The following SGSM2 variants were observed in gnomAD, a reference collection of about 807,000 sequenced individuals.
SGSM2 encodes the protein small G protein signaling modulator 2, also known as RUN and TBC1 domain containing 1.
Under a neutral mutation model 126.6 loss-of-function variants are expected in SGSM2, and 89 were observed. That is an observed-to-expected ratio of 0.70 (90% CI 0.59 to 0.84). SGSM2 has a LOEUF of 0.84. SGSM2 is among the 40% of genes least tolerant of loss of function. The probability of loss-of-function intolerance (pLI) is 0.00; values close to 1 mark genes in which losing one functional copy is unlikely to be tolerated. For missense variants in SGSM2, 1,404 were observed against 1,416.6 expected (o/e 0.99, Z 0.14); for synonymous variants, 614 against 574.3 (o/e 1.07, Z -0.99).
chr17:2,377,946 T>G lies in SGSM2; in HGVS notation c.2892T>G (p.Phe964Leu). The change falls in exon 22 of 24, where the codon TTT (phenylalanine) becomes TTG (leucine). Residue 964 changes from phenylalanine to leucine, a missense_variant. Coordinates refer to ENST00000268989, the MANE Select transcript of SGSM2 (RefSeq NM_014853.3). ...YFCYRWFLLD[F>L]KRELLYEDVF... ...GTTATCGCTGGTTCCTGCTGGATTT[T>G]AAGAGAGGTAAGAAGTGGGTTGGAT... 6.2e-7 allele frequency: 1 copy of G among 1,604,430 alleles called. No individual in the cohort carries two copies. Among genetic ancestry groups the G allele is most frequent in the Non-Finnish European group, 8.5e-7 (1 of 1,171,438 alleles).
chr17:2,380,188 CCCCGGCCTT>C lies in SGSM2; in HGVS notation c.*669_*677del. 6.6e-7 allele frequency: 1 copy of C among 1,508,702 alleles called. No individual in the cohort carries two copies. Among genetic ancestry groups the C allele is most frequent in the East Asian group, 2.6e-5 (1 of 39,110 alleles). The allele number at this position is 1,508,702 out of a possible 1,614,324, so 93.5% of individuals were successfully genotyped here. A position where few individuals can be genotyped will look rare whatever the true frequency, so the allele number is the denominator to read the frequency against. Reference sequence around the variant, plus strand: ...GCCACCTGAGGTGACCCCCAGGCCTCCCCGGCCTTGTACAGTGTACCTCTGTGTATCTGT... The same window carrying C: ...GCCACCTGAGGTGACCCCCAGGCCTCGTACAGTGTACCTCTGTGTATCTGT... On this transcript the variant is annotated 3_prime_UTR_variant, in exon 24 of 24. Transcript: ENST00000268989.
chr17:2,375,993 T>C (rs1457880425), intron 18 of SGSM2, 118 bp downstream of exon 18: 2 of 1,511,778 alleles, frequency 1.3e-6, no homozygotes, highest in African/African-American at 1.4e-5. Context: ...TGGAAGGGAG[T>C]TCTGAGCCCA....
rs1292944986 is a variant in SGSM2, at chr17:2,372,240, G to A, written c.1628G>A (p.Arg543Gln). 1.2e-5 allele frequency: 19 copies of A among 1,613,006 alleles called. No individual in the cohort carries two copies. Among genetic ancestry groups the A allele is most frequent in the African/African-American group, 6.7e-5 (5 of 74,894 alleles). The change falls in exon 14 of 24, where the codon CGG (arginine) becomes CAG (glutamine). Residue 543 changes from arginine to glutamine, a missense_variant. Arg to Gln is a conservative substitution (Grantham distance 43). Transcript: ENST00000268989. The surrounding 1 kb of genome is among the most constrained non-coding windows in gnomAD (Gnocchi z 6.0). ...CESMKRQIVS[R>Q]AFYGWLAHCR... ...AGTATGAAGAGGCAGATCGTGTCCC[G>A]GGCCTTCTACGGCTGTGAGTGTGGG...
In SGSM2 at chr17:2,337,740, A is replaced by C. The variant is rs764934449; in HGVS notation, c.52A>C (p.Lys18Gln). 6.5e-7 allele frequency: 1 copy of C among 1,538,940 alleles called. No homozygotes were observed. Residue 18 changes from lysine (K) to glutamine (Q), a missense_variant, in exon 1 of 24, where the codon AAG becomes CAG. Lys to Gln is a moderately conservative substitution (Grantham distance 53). Coordinates refer to ENST00000268989, the MANE Select transcript of SGSM2 (RefSeq NM_014853.3). The surrounding 1 kb of genome is among the most constrained non-coding windows in gnomAD (Gnocchi z 5.1). The stretch of plus-strand genomic sequence containing the variant: ...AGAGAAACTGCTGTGGAACGTGAAG[A>C]AGGAGGTAAAGTCGAGTCAAGAACC... ...VKEKLLWNVK[K>Q]EVKQIMEEAV...
intron 2 of SGSM2, among the ~76,000 whole-genome samples, chr17:2,343,949 C>T (rs1383524519): frequency 6.6e-6 from 1 of 152,186 alleles, no homozygotes; most frequent in East Asian, 1.9e-4. Context: ...TCTGGGGACC[C>T]CACTTTGAGA....
In SGSM2 at chr17:2,372,834, C is replaced by G; in HGVS notation, c.1789-119C>G. ...GTGGCCACCCCAAAGCAGGCCTTGC[C>G]TGGGCTTCAGCAGTCACTACAGGCC... On this transcript the variant is annotated intron_variant, in intron 15 of 23. Coordinates refer to ENST00000268989, the MANE Select transcript of SGSM2 (RefSeq NM_014853.3). The surrounding 1 kb of genome is among the most constrained non-coding windows in gnomAD (Gnocchi z 6.0). 1 of 1,385,414 alleles carries G rather than the reference C, an allele frequency of 7.2e-7. No individual in the cohort carries two copies. The highest frequency in any genetic ancestry group is 9.7e-7 in the Non-Finnish European group (1 of 1,036,154). The allele number at this position is 1,385,414 out of a possible 1,614,324, so 85.8% of individuals were successfully genotyped here.
At chr17:2,376,385 G>T in intron 19 of SGSM2, 124 bp downstream of exon 19, 7 of 1,300,778 alleles carry the variant, frequency 5.4e-6, no homozygotes, top group Non-Finnish European at 7.4e-6. Flanking sequence ...GGCTCCCCCT[G>T]CCTGGAACGC....
At chr17:2,360,743 A>G (rs1597350141) in intron 2 of SGSM2, among the ~76,000 whole-genome samples, 1 of 151,730 alleles carries the variant, frequency 6.6e-6, no homozygotes, top group Non-Finnish European at 1.5e-5. Context: ...TGAAAAAACC[A>G]CCTCCTTCTC....
At position 2,363,222 on chromosome 17, in the gene SGSM2, G is replaced by A; in HGVS notation, c.672+88G>A. On this transcript the variant is annotated intron_variant, in intron 6 of 23. Transcript: ENST00000268989. This position sits in a 1 kb window ranked among gnomAD's most constrained non-coding sequence, Gnocchi z 4.2. ...GGAAACCGGCCTCTCTACGGGACAG[G>A]CCTTGGAGATGCCCCAAGGTAGCGG... The A allele has an allele frequency of 6.9e-7, 1 of 1,457,896 alleles. No individual in the cohort carries two copies. The highest frequency in any genetic ancestry group is 9.1e-7 in the Non-Finnish European group (1 of 1,098,254). The allele number at this position is 1,457,896 out of a possible 1,614,324, so 90.3% of individuals were successfully genotyped here.
At chr17:2,371,236 G>A in intron 12 of SGSM2, 26 bp from the exon 13 acceptor site, 1 of 1,602,570 alleles carries the variant, frequency 6.2e-7, no homozygotes, top group African/African-American at 1.3e-5. Context: ...CTCAGGCCCT[G>A]ACCATGCCAC....
rs2066368225 is a variant in SGSM2 at position 2,380,534 on chromosome 17, A to G, written c.*1014A>G. 1.7e-6 allele frequency: 1 copy of G among 584,548 alleles called. No individual in the cohort carries two copies. The highest frequency in any genetic ancestry group is 1.9e-5 in the African/African-American group (1 of 53,434). 36.2% of individuals were successfully genotyped at this position (584,548 alleles called of 1,614,324 possible). A position where few individuals can be genotyped will look rare whatever the true frequency, so the allele number is the denominator to read the frequency against. Reference sequence around the variant, plus strand: ...AAGCAAGGCTAGCTCTGCCTTCCACATGCTTCTCAGGATGCCAAGAGGCCT... The same window carrying G: ...AAGCAAGGCTAGCTCTGCCTTCCACGTGCTTCTCAGGATGCCAAGAGGCCT... On this transcript the variant is annotated 3_prime_UTR_variant, in exon 24 of 24. Transcript: ENST00000268989.
chr17:2,362,754 G>A lies in SGSM2; in HGVS notation c.459-84G>A. 1 of 1,360,370 alleles carries A rather than the reference G, an allele frequency of 7.4e-7. No homozygotes were observed. 84.3% of individuals were successfully genotyped at this position (1,360,370 alleles called of 1,614,324 possible). ...GATGACTGATCTGAATCTGGTCTTT[G>A]TGGGGATGTCCCTACCTGGTGAGCT... On this transcript the variant is annotated intron_variant, in intron 4 of 23. Transcript: ENST00000268989. This position sits in a 1 kb window ranked among gnomAD's most constrained non-coding sequence, Gnocchi z 4.9.
Position 2,376,241 on chromosome 17 carries a change from G to A in SGSM2, c.2589G>A (p.Arg863=). ...ACTTCACGCCCCCCAACCTCGAGAG[G>A]CTCAGAGACGTCATGTGCAGGTGCC... ...YWYFTPPNLE[R]LRDVMCSYVW... is the part of the protein sequence containing the mutation. The change falls in exon 19 of 24, where the codon AGG becomes AGA. Residue 863 remains arginine (R), a synonymous_variant. Coordinates refer to ENST00000268989, the MANE Select transcript of SGSM2 (RefSeq NM_014853.3). 6.2e-7 allele frequency: 1 copy of A among 1,613,828 alleles called. No individual in the cohort carries two copies. The highest frequency in any genetic ancestry group is 1.3e-5 in the African/African-American group (1 of 75,018).
Position 2,380,190 on chromosome 17 carries a change from C to A in SGSM2, c.*670C>A. 6.6e-7 allele frequency: 1 copy of A among 1,510,964 alleles called. No individual in the cohort carries two copies. Among genetic ancestry groups the A allele is most frequent in the South Asian group, 1.2e-5 (1 of 81,496 alleles). 93.6% of individuals were successfully genotyped at this position (1,510,964 alleles called of 1,614,324 possible). The stretch of plus-strand genomic sequence containing the variant: ...CACCTGAGGTGACCCCCAGGCCTCC[C>A]CGGCCTTGTACAGTGTACCTCTGTG... On this transcript the variant is annotated 3_prime_UTR_variant, in exon 24 of 24. Transcript: ENST00000268989.
rs1194343556 is a variant in SGSM2 at position 2,375,492 on chromosome 17, G to T, written c.2101G>T (p.Val701Leu). Residue 701 changes from valine to leucine, a missense_variant and splice_region_variant, in exon 18 of 24, where the codon GTG (valine) becomes TTG (leucine). Coordinates refer to ENST00000268989, the MANE Select transcript of SGSM2 (RefSeq NM_014853.3). Reference protein sequence around the residue: ...IHRDSTISNDVFISVDDLEPP... With the variant: ...IHRDSTISNDLFISVDDLEPP... Reference sequence around the variant, plus strand: ...GAGCCGCCCTGTGTTCACCCCCCAGGTGTTTATCTCAGTGGATGATCTGGA... The same window carrying T: ...GAGCCGCCCTGTGTTCACCCCCCAGTTGTTTATCTCAGTGGATGATCTGGA... The T allele has an allele frequency of 3.1e-6, 5 of 1,605,834 alleles. No homozygotes were observed. Among genetic ancestry groups the T allele is most frequent in the Admixed American group, 1.7e-5 (1 of 59,542 alleles).
chr17:2,367,229 G>A lies in SGSM2; in HGVS notation c.1289-42G>A, dbSNP rs2065632959. 3.1e-6 allele frequency: 5 copies of A among 1,590,394 alleles called. No homozygotes were observed. The highest frequency in any genetic ancestry group is 4.3e-6 in the Non-Finnish European group (5 of 1,168,412). ...GAGGGAGTCCGTCCTGCCCAGGGAT[G>A]AGGGCCTCATGCCTCTGCCTCTCGC... On this transcript the variant is annotated intron_variant, in intron 11 of 23. Transcript: ENST00000268989. The surrounding 1 kb of genome is among the most constrained non-coding windows in gnomAD (Gnocchi z 4.0).
At chr17:2,348,134 G>A (rs962224469) in intron 2 of SGSM2, among the ~76,000 whole-genome samples, 2 of 152,174 alleles carry the variant, frequency 1.3e-5, no homozygotes, top group Non-Finnish European at 1.5e-5. Flanking sequence ...AGCCAGGAAG[G>A]TCTGCCCTGC....
At chr17:2,378,227 C>G (rs2066267422) in intron 22 of SGSM2, among the ~76,000 whole-genome samples, 1 of 152,150 alleles carries the variant, frequency 6.6e-6, no homozygotes, top group African/African-American at 2.4e-5. Context: ...CACCCAGGAT[C>G]TTGAGACTAG....
chr17:2,375,434 G>A (rs1178269732), intron 17 of SGSM2, 58 bp from the exon 18 acceptor site: 16 of 1,538,590 alleles, frequency 1.0e-5, no homozygotes, highest in Middle Eastern at 1.8e-4. Flanking sequence ...CCGAGGAGGC[G>A]GTGGGCTGCG....
Sources: allele counts gnomAD v4.1 joint callset (sites outside exome capture counted in the v4.1 genomes callset), GRCh38; gene constraint gnomAD v4.1.1; non-coding constraint Gnocchi (gnomAD v3.1); transcripts MANE v1.5; gene names NCBI Gene and HGNC (gene_info 2026-07-23, HGNC 2026-07-21).